The following GLRA3 variants were observed in gnomAD, a reference collection of about 807,000 sequenced individuals.
The protein encoded by GLRA3 is glycine receptor alpha 3.
Under a neutral mutation model 60.4 loss-of-function variants are expected in GLRA3, and 44 were observed. The ratio of observed to expected loss-of-function variants is 0.73; its 90% CI spans 0.57 to 0.94. The LOEUF (loss-of-function observed/expected upper bound fraction) is 0.94. Ranked by LOEUF, GLRA3 falls within the 40% of genes least tolerant of loss-of-function variation. GLRA3 has a pLI of 0.00. For synonymous variants in GLRA3, 223 were observed against 192.9 expected, an observed-to-expected ratio of 1.16 and a Z score of -1.29; for missense variants, 508 against 564.6, an observed-to-expected ratio of 0.90 and a Z score of 1.02.
At chr4:174,773,197 G>T (rs1038581798) in intron 2 of GLRA3, among the ~76,000 whole-genome samples, 3 of 152,130 alleles carry the variant, frequency 2.0e-5, no homozygotes, top group African/African-American at 7.2e-5. Flanking sequence ...GCAAATAACT[G>T]CTATAGCATC....
intron 1 of GLRA3, among the ~76,000 whole-genome samples, chr4:174,796,282 C>CTTTTTTCT (rs1739563389): frequency 6.6e-6 from 1 of 152,136 alleles, no homozygotes; most frequent in Admixed American, 6.5e-5. Flanking sequence ...TGATCTTAGA[C>CTTTTTTCT]TTCCCAGCCT....
intron 7 of GLRA3, among the ~76,000 whole-genome samples, chr4:174,672,658 G>A (rs1040080679): frequency 2.6e-5 from 4 of 152,034 alleles, no homozygotes; most frequent in African/African-American, 9.7e-5. Flanking sequence ...AAGCCCACTC[G>A]AACAGCCAAT....
In GLRA3 at chr4:174,760,762, C is replaced by T. The variant is rs185697894; in HGVS notation, c.267+6201G>A. 3.3e-5 allele frequency among the ~76,000 whole-genome samples: 5 copies of T among 152,064 alleles called. No homozygotes were observed. The East Asian group carries it at 5.8e-4, about 18-fold the overall frequency. Reference sequence around the variant, plus strand: ...CTTGAACTCCTGACCTCAGGTGATCCGCCCTATGCAATGATTTTCAATGCA... The same window carrying T: ...CTTGAACTCCTGACCTCAGGTGATCTGCCCTATGCAATGATTTTCAATGCA... On this transcript the variant is annotated intron_variant, in intron 3 of 9. Coordinates refer to ENST00000274093, the MANE Select transcript of GLRA3 (RefSeq NM_006529.4).
At chr4:174,680,590 C>CA (rs1377468929) in intron 6 of GLRA3, among the ~76,000 whole-genome samples, 1 of 151,956 alleles carries the variant, frequency 6.6e-6, no homozygotes, top group African/African-American at 2.4e-5. Context: ...CTGAGACAGA[C>CA]AGAGATGAGT....
intron 1 of GLRA3, among the ~76,000 whole-genome samples, chr4:174,826,251 G>T (rs1740963304): frequency 6.6e-6 from 1 of 152,234 alleles, no homozygotes; most frequent in East Asian, 1.9e-4. Context: ...ACAACAATGA[G>T]AATGAATAAG....
At chr4:174,671,650 AT>A (rs1289635172) in intron 7 of GLRA3, among the ~76,000 whole-genome samples, 9 of 151,922 alleles carry the variant, frequency 5.9e-5, no homozygotes, top group Non-Finnish European at 1.2e-4. Context: ...TATTTTTCTT[AT>A]TTTTTATTAT....
intron 1 of GLRA3, among the ~76,000 whole-genome samples, chr4:174,824,123 T>G (rs1398818424): frequency 6.6e-6 from 1 of 152,234 alleles, no homozygotes; most frequent in African/African-American, 2.4e-5. Flanking sequence ...CTAGCTCTTC[T>G]GCAAGCATCT....
intron 2 of GLRA3, among the ~76,000 whole-genome samples, chr4:174,775,492 A>G (rs1347387461): frequency 6.6e-6 from 1 of 152,198 alleles, no homozygotes; most frequent in African/African-American, 2.4e-5. Context: ...ATATCTACAT[A>G]CAAAGAGAGT....
chr4:174,752,604 A>G (rs2111199298), intron 3 of GLRA3, among the ~76,000 whole-genome samples: 1 of 152,262 alleles, frequency 6.6e-6, no homozygotes, highest in Non-Finnish European at 1.5e-5. Flanking sequence ...GACGATAGAA[A>G]AGAGTCCCAG....
intron 1 of GLRA3, among the ~76,000 whole-genome samples, chr4:174,815,885 C>T (rs191706603): frequency 6.6e-6 from 1 of 152,184 alleles, no homozygotes; most frequent in South Asian, 2.1e-4. Context: ...TTTGGCTTCC[C>T]ATTACTTATG....
intron 3 of GLRA3, among the ~76,000 whole-genome samples, chr4:174,761,985 A>G (rs1247405309): frequency 6.6e-6 from 1 of 152,226 alleles, no homozygotes; most frequent in Non-Finnish European, 1.5e-5. Flanking sequence ...GAATAAAATG[A>G]TTACATCATC....
chr4:174,731,809 A>C (rs1561083227), intron 3 of GLRA3, among the ~76,000 whole-genome samples: 1 of 152,196 alleles, frequency 6.6e-6, no homozygotes, highest in African/African-American at 2.4e-5. Flanking sequence ...AATTGAGAAA[A>C]AGAGAAACAA....
rs901405538 is a variant in GLRA3 at position 174,751,061 on chromosome 4, GTCTATCTA to G, written c.267+15894_267+15901del. 1.6e-3 allele frequency among the ~76,000 whole-genome samples: 219 copies of G among 139,574 alleles called. 1 individual carries two copies. Among genetic ancestry groups the G allele is most frequent in the African/African-American group, 5.6e-3 (207 of 37,296 alleles). 91.6% of individuals were successfully genotyped at this position (139,574 alleles called of 152,430 possible). ...AGAAAAAAGAGAAGCCTGTCTGTCT[GTCTATCTA>G]TCTATCTATCTATCTATCTATCTAT... On this transcript the variant is annotated intron_variant, in intron 3 of 9. Coordinates refer to ENST00000274093, the MANE Select transcript of GLRA3 (RefSeq NM_006529.4).
chr4:174,750,494 T>C (rs1737427853), intron 3 of GLRA3, among the ~76,000 whole-genome samples: 1 of 152,098 alleles, frequency 6.6e-6, no homozygotes, highest in African/African-American at 2.4e-5. Context: ...CTATGTACCC[T>C]AAGAGGGCCC....
At chr4:174,736,500 G>C (rs1385842) in intron 3 of GLRA3, among the ~76,000 whole-genome samples, 44,678 of 151,806 alleles carry the variant, frequency 0.29, 6,825 homozygotes, top group African/African-American at 0.36. Context: ...TCTCTGGCAA[G>C]CACTCATCTG....
intron 2 of GLRA3, among the ~76,000 whole-genome samples, chr4:174,788,049 GA>G (rs1480868081): frequency 6.6e-6 from 1 of 151,710 alleles, no homozygotes; most frequent in Non-Finnish European, 1.5e-5. Flanking sequence ...TGAATCCCAT[GA>G]AAAAAGTGTA....
At chr4:174,699,168 T>C (rs574590109) in intron 5 of GLRA3, among the ~76,000 whole-genome samples, 38 of 152,166 alleles carry the variant, frequency 2.5e-4, no homozygotes, top group African/African-American at 8.7e-4. Flanking sequence ...TGGCTAATTT[T>C]TTTTGTATTT....
At chr4:174,688,252 C>T (rs1262569862) in intron 5 of GLRA3, among the ~76,000 whole-genome samples, 1 of 146,570 alleles carries the variant, frequency 6.8e-6, no homozygotes, top group Non-Finnish European at 1.5e-5. Flanking sequence ...AACACCTTTC[C>T]TCCAGTTGCT....
chr4:174,694,153 T>A (rs1292593863), intron 5 of GLRA3, among the ~76,000 whole-genome samples: 1 of 151,968 alleles, frequency 6.6e-6, no homozygotes, highest in East Asian at 1.9e-4. Context: ...ACTTAAACAC[T>A]CCACTGACAG....
Sources: allele counts gnomAD v4.1 joint callset (sites outside exome capture counted in the v4.1 genomes callset), GRCh38; gene constraint gnomAD v4.1.1; transcripts MANE v1.5; gene names NCBI Gene and HGNC (gene_info 2026-07-23, HGNC 2026-07-21).